MAP2K5: variants seen among roughly 807,000 people sequenced by gnomAD.
MAP2K5 encodes mitogen-activated protein kinase kinase 5, also known as dual specificity mitogen-activated protein kinase kinase 5.
A neutral mutation model predicts 83.1 loss-of-function variants in MAP2K5; 49 were observed. The ratio of observed to expected loss-of-function variants is 0.59; its 90% confidence interval spans 0.47 to 0.75. The LOEUF (loss-of-function observed/expected upper bound fraction) is 0.75. MAP2K5 is among the 30% of genes least tolerant of loss of function. The pLI is 0.00. For missense variants in MAP2K5, 457 were observed against 557.5 expected (o/e 0.82, Z 1.82); for synonymous variants, 202 against 191.8 (o/e 1.05, Z -0.44).
chr15:67,744,507 G>A (rs2089561640), intron 17 of MAP2K5, among the ~76,000 whole-genome samples: 1 of 152,148 alleles, frequency 6.6e-6, no homozygotes, highest in Non-Finnish European at 1.5e-5. Context: ...GAGCTGCAGG[G>A]CAAGCCATAA....
chr15:67,716,723 G>GA (rs1480139306), intron 16 of MAP2K5, among the ~76,000 whole-genome samples: 3 of 152,142 alleles, frequency 2.0e-5, no homozygotes, highest in Non-Finnish European at 4.4e-5. Context: ...TGGGTCTTCT[G>GA]ATGTGAAATG....
intron 16 of MAP2K5, among the ~76,000 whole-genome samples, chr15:67,711,138 C>G (rs547895206): frequency 1.3e-5 from 2 of 152,230 alleles, no homozygotes; most frequent in Non-Finnish European, 2.9e-5. Context: ...CTCTCATAAT[C>G]TTCTATGCTG....
Position 67,802,413 on chromosome 15 carries a change from G to T in MAP2K5, c.1243-4233G>T, listed in dbSNP as rs1053277832. ...CCGGCACCTCCCGACTCTCCCCTGT[G>T]TCCCACTTTTGGAGTCATCCTGCCT... is the stretch of plus-strand genomic sequence containing the variant. On this transcript the variant is annotated intron_variant, in intron 21 of 21. Transcript: ENST00000178640. This position sits in a 1 kb window ranked among gnomAD's most constrained non-coding sequence, Gnocchi z 5.0. Among the ~76,000 whole-genome samples the T allele has an allele frequency of 6.6e-6, 1 of 152,214 alleles. No homozygotes were observed. The highest frequency in any genetic ancestry group is 1.5e-5 in the Non-Finnish European group (1 of 68,046).
intron 13 of MAP2K5, among the ~76,000 whole-genome samples, chr15:67,672,579 A>C (rs964163233): frequency 1.3e-5 from 2 of 150,498 alleles, no homozygotes; most frequent in Non-Finnish European, 3.0e-5. Context: ...TCAGATGAGT[A>C]GGTTGTGAAA....
At chr15:67,699,102 C>T (rs535512320) in intron 15 of MAP2K5, among the ~76,000 whole-genome samples, 7 of 152,008 alleles carry the variant, frequency 4.6e-5, no homozygotes, top group South Asian at 2.1e-4. Context: ...TTTAGATCAA[C>T]TCTTCTGTTT....
At chr15:67,805,662 A>C (rs547672011) in intron 21 of MAP2K5, among the ~76,000 whole-genome samples, 3 of 152,262 alleles carry the variant, frequency 2.0e-5, no homozygotes, top group East Asian at 1.9e-4. Flanking sequence ...GGGCAGGCAC[A>C]TGGCGCCCTC....
At chr15:67,684,936 C>T (rs1372220690) in intron 13 of MAP2K5, among the ~76,000 whole-genome samples, 1 of 152,008 alleles carries the variant, frequency 6.6e-6, no homozygotes, top group African/African-American at 2.4e-5. Context: ...TTTAAATGAG[C>T]ACAACCTTAA....
chr15:67,639,017 A>G (rs1352476945), intron 9 of MAP2K5, among the ~76,000 whole-genome samples: 4 of 152,212 alleles, frequency 2.6e-5, no homozygotes, highest in African/African-American at 9.6e-5. Context: ...CCCAAAGTAC[A>G]AAAACCCTGG....
chr15:67,548,332 A>G (rs1167719527), intron 1 of MAP2K5, among the ~76,000 whole-genome samples: 1 of 152,194 alleles, frequency 6.6e-6, no homozygotes, highest in Non-Finnish European at 1.5e-5. Flanking sequence ...ATGAGTGTTC[A>G]ATAAGTACTG....
At chr15:67,765,296 T>C (rs945032057) in intron 19 of MAP2K5, among the ~76,000 whole-genome samples, 32 of 152,292 alleles carry the variant, frequency 2.1e-4, no homozygotes, top group African/African-American at 7.5e-4. Context: ...AAGGCAGAGG[T>C]TGCAGTGAGC....
rs1269905118 is a variant in MAP2K5, at chr15:67,572,722, T to C, written c.253-8032T>C. On this transcript the variant is annotated intron_variant, in intron 3 of 21. Coordinates refer to ENST00000178640, the MANE Select transcript of MAP2K5 (RefSeq NM_145160.3). This position sits in a 1 kb window ranked among gnomAD's most constrained non-coding sequence, Gnocchi z 4.2. ...ATTATTATTATTTTTTTTTTTGAGA[T>C]GGAGTCTTGCTCTGTTGCCCAGGCT... Among the ~76,000 whole-genome samples the C allele has an allele frequency of 2.0e-5, 3 of 151,752 alleles. No individual in the cohort carries two copies. Among genetic ancestry groups the C allele is most frequent in the Admixed American group, 1.3e-4 (2 of 15,246 alleles).
chr15:67,767,770 CTTTT>C (rs990890400), intron 19 of MAP2K5, among the ~76,000 whole-genome samples: 1 of 152,082 alleles, frequency 6.6e-6, no homozygotes, highest in Non-Finnish European at 1.5e-5. Context: ...TGTCTTGTTT[CTTTT>C]GAGTGGACTG....
intron 15 of MAP2K5, among the ~76,000 whole-genome samples, chr15:67,700,709 A>G (rs1430742118): frequency 2.0e-5 from 3 of 152,200 alleles, no homozygotes; most frequent in South Asian, 2.1e-4. Context: ...CCCAATCCCT[A>G]TCCACCTTAA....
At chr15:67,696,037 G>A (rs981807661) in intron 15 of MAP2K5, among the ~76,000 whole-genome samples, 1 of 152,032 alleles carries the variant, frequency 6.6e-6, no homozygotes, top group Admixed American at 6.6e-5. Context: ...TTGGGGGTGG[G>A]GGGAGGTGGA....
chr15:67,554,080 A>G (rs1362438667), intron 2 of MAP2K5, among the ~76,000 whole-genome samples: 1 of 152,102 alleles, frequency 6.6e-6, no homozygotes, highest in African/African-American at 2.4e-5. Flanking sequence ...GTTTTTTTGA[A>G]ATGGTCTGGC....
rs1189338571 is a variant in MAP2K5, at chr15:67,777,594, C to T, written c.1242+4842C>T. On this transcript the variant is annotated intron_variant, in intron 21 of 21. Transcript: ENST00000178640. This position sits in a 1 kb window ranked among gnomAD's most constrained non-coding sequence, Gnocchi z 6.0. Reference sequence around the variant, plus strand: ...TACCCATTCTATCTGTATGTAAATGCGTGAGGCACAGCTGGATATTGCAGA... The same window carrying T: ...TACCCATTCTATCTGTATGTAAATGTGTGAGGCACAGCTGGATATTGCAGA... Among the ~76,000 whole-genome samples the T allele has an allele frequency of 1.3e-5, 2 of 152,166 alleles. No homozygotes were observed. Among genetic ancestry groups the T allele is most frequent in the South Asian group, 2.1e-4 (1 of 4,816 alleles).
chr15:67,629,126 AAG>A, intron 8 of MAP2K5: 1 of 730,900 alleles, frequency 1.4e-6, no homozygotes, highest in Non-Finnish European at 2.5e-6. Flanking sequence ...GCAGTGGCAG[AAG>A]ATTTTAATTA....
chr15:67,714,453 AAAC>A (rs2088783414), intron 16 of MAP2K5, among the ~76,000 whole-genome samples: 1 of 113,928 alleles, frequency 8.8e-6, no homozygotes, highest in African/African-American at 3.1e-5. Flanking sequence ...AAAAAAAAAA[AAAC>A]CACCACCCTG....
At chr15:67,624,675 G>T (rs1251094342) in intron 8 of MAP2K5, among the ~76,000 whole-genome samples, 1 of 151,038 alleles carries the variant, frequency 6.6e-6, no homozygotes, top group East Asian at 1.9e-4. Context: ...TGTTTCCCAG[G>T]CTGGAGTGCA....
Sources: allele counts gnomAD v4.1 joint callset (sites outside exome capture counted in the v4.1 genomes callset), GRCh38; gene constraint gnomAD v4.1.1; non-coding constraint Gnocchi (gnomAD v3.1); transcripts MANE v1.5; gene names NCBI Gene and HGNC (gene_info 2026-07-23, HGNC 2026-07-21).